The following MET variants were observed in gnomAD, a reference collection of about 807,000 sequenced individuals.
The protein encoded by MET is MET proto-oncogene, receptor tyrosine kinase, also known as hepatocyte growth factor receptor.
MET carries 48 observed loss-of-function variants against 133.1 expected under a neutral mutation model. The observed-to-expected ratio is 0.36, with a 90% CI of 0.29 to 0.46. The LOEUF (loss-of-function observed/expected upper bound fraction) is 0.46, where lower values mean the gene tolerates loss of function less well. MET is among the 20% of genes least tolerant of loss of function. The pLI, the probability that MET is intolerant of heterozygous loss-of-function variation, is 1.00. For synonymous variants in MET, 628 were observed against 616.5 expected, an observed-to-expected ratio of 1.02 and a Z score of -0.28; for missense variants, 1,442 against 1,695.9, an observed-to-expected ratio of 0.85 and a Z score of 2.63.
intron 11 of MET, among the ~76,000 whole-genome samples, chr7:116,765,370 C>G (rs183481059): frequency 6.3e-4 from 95 of 151,250 alleles, no homozygotes; most frequent in African/African-American, 2.2e-3. Context: ...GAGATATGCT[C>G]TTTATTGCCA....
intron 1 of MET, among the ~76,000 whole-genome samples, chr7:116,675,472 G>A (rs1796122797): frequency 6.6e-6 from 1 of 152,008 alleles, no homozygotes; most frequent in Non-Finnish European, 1.5e-5. Flanking sequence ...ACATTTTCAA[G>A]CTGTTTCTGC....
chr7:116,701,797 G>A (rs1161281761), intron 2 of MET, among the ~76,000 whole-genome samples: 1 of 152,082 alleles, frequency 6.6e-6, no homozygotes, highest in Non-Finnish European at 1.5e-5. Flanking sequence ...TAGCATTACA[G>A]AGAAGATATT....
chr7:116,701,348 T>C (rs1791572673), intron 2 of MET, among the ~76,000 whole-genome samples: 1 of 152,208 alleles, frequency 6.6e-6, no homozygotes. Flanking sequence ...ATAAAGGTTA[T>C]AATTGCAATC....
At chr7:116,673,053 G>A (rs1240336700) in intron 1 of MET, among the ~76,000 whole-genome samples, 1 of 152,250 alleles carries the variant, frequency 6.6e-6, no homozygotes, top group East Asian at 1.9e-4. Flanking sequence ...GCAATCACGC[G>A]GGGCTTGTGA....
rs776086430 is a variant in MET, at chr7:116,783,396, G to T, written c.3725G>T (p.Gly1242Val). ...KEYYSVHNKT[G>V]AKLPVKWMAL... ...TACTATAGTGTACACAACAAAACAG[G>T]TGCAAAGCTGCCAGTGAAGTGGATG... The change falls in exon 19 of 21, where the codon GGT (glycine) becomes GTT (valine). Residue 1242 changes from glycine (G) to valine (V), a missense_variant. Gly to Val is a moderately radical substitution (Grantham distance 109, BLOSUM62 -3). Around this residue, in one of 6 missense-constraint regions of MET, gnomAD observed 38 missense variants for 40.6 expected, o/e 0.94. Coordinates refer to ENST00000397752, the MANE Select transcript of MET (RefSeq NM_000245.4). 1 of 1,614,150 alleles carries T rather than the reference G, an allele frequency of 6.2e-7. No individual in the cohort carries two copies. The highest frequency in any genetic ancestry group is 8.5e-7 in the Non-Finnish European group (1 of 1,180,022).
intron 5 of MET, among the ~76,000 whole-genome samples, chr7:116,754,979 G>GA (rs1306934322): frequency 1.4e-4 from 4 of 28,716 alleles, no homozygotes; most frequent in Non-Finnish European, 2.3e-4. Context: ...AGGAAGCAGA[G>GA]AAAGGAAAGA....
intron 5 of MET, among the ~76,000 whole-genome samples, chr7:116,752,784 G>A (rs1793977383): frequency 6.6e-6 from 1 of 152,058 alleles, no homozygotes. Flanking sequence ...TGTGTGTAGA[G>A]TGACAGACTT....
In MET at chr7:116,796,407, T is replaced by C. The variant is rs148370379; in HGVS notation, c.*283T>C. The C allele has an allele frequency of 8.5e-5, 42 of 493,924 alleles. No individual in the cohort carries two copies. The highest frequency in any genetic ancestry group is 7.2e-4 in the African/African-American group (38 of 52,474). 30.6% of individuals were successfully genotyped at this position (493,924 alleles called of 1,614,324 possible). On this transcript the variant is annotated 3_prime_UTR_variant, in exon 21 of 21. Coordinates refer to ENST00000397752, the MANE Select transcript of MET (RefSeq NM_000245.4). The stretch of plus-strand genomic sequence containing the variant: ...AATTCTGGGTTGAATTTTTTAAAAA[T>C]CAGGTACCACTTGATTTCATATGGG...
At chr7:116,762,126 G>A (rs964037056) in intron 10 of MET, among the ~76,000 whole-genome samples, 11 of 152,270 alleles carry the variant, frequency 7.2e-5, no homozygotes, top group Middle Eastern at 6.8e-3. Context: ...ATTCCAAAGA[G>A]GAAGATTTGA....
intron 11 of MET, among the ~76,000 whole-genome samples, chr7:116,768,578 T>TAGAA (rs1794716500): frequency 6.6e-6 from 1 of 152,202 alleles, no homozygotes; most frequent in South Asian, 2.1e-4. Context: ...TTCCCACTTC[T>TAGAA]TTTCCTAGAA....
At chr7:116,713,844 C>T (rs1184908762) in intron 2 of MET, among the ~76,000 whole-genome samples, 1 of 152,172 alleles carries the variant, frequency 6.6e-6, no homozygotes, top group African/African-American at 2.4e-5. Context: ...AGACATTTAT[C>T]ACCTGTTTCT....
chr7:116,756,395 G>A (rs1424615590), intron 6 of MET, among the ~76,000 whole-genome samples: 1 of 152,050 alleles, frequency 6.6e-6, no homozygotes, highest in Non-Finnish European at 1.5e-5. Context: ...TTCATTTCAG[G>A]GTTACACAAA....
rs2116582762 is a variant in MET, at chr7:116,699,287, A to G, written c.203A>G (p.Asn68Ser). The change falls in exon 2 of 21, where the codon AAC (asparagine) becomes AGC (serine). Residue 68 changes from asparagine to serine, a missense_variant. Asn to Ser is a conservative substitution (Grantham distance 46). Transcript: ENST00000397752. ...HEHHIFLGAT[N>S]YIYVLNEEDL... is the part of the protein sequence containing the mutation. ...CATCACATTTTCCTTGGTGCCACTAACTACATTTATGTTTTAAATGAGGAA... is the reference window on the plus strand; with the variant it reads ...CATCACATTTTCCTTGGTGCCACTAGCTACATTTATGTTTTAAATGAGGAA... 6.2e-7 allele frequency: 1 copy of G among 1,614,034 alleles called. No homozygotes were observed. Among genetic ancestry groups the G allele is most frequent in the Non-Finnish European group, 8.5e-7 (1 of 1,179,944 alleles).
intron 5 of MET, chr7:116,741,229 G>A: frequency 3.3e-6 from 2 of 607,874 alleles, no homozygotes; most frequent in Non-Finnish European, 5.6e-6. Context: ...GGGAGGGGGT[G>A]GTGTTTGGGC....
rs1479699442 is a variant in MET, at chr7:116,754,990, A to AAGAAAGAAAGAAAG, written c.1702-363_1702-350dup. 1.3e-3 allele frequency among the ~76,000 whole-genome samples: 181 copies of AAGAAAGAAAGAAAG among 142,766 alleles called. 3 individuals are homozygous for AAGAAAGAAAGAAAG. Among genetic ancestry groups the AAGAAAGAAAGAAAG allele is most frequent in the Admixed American group, 0.012 (162 of 13,996 alleles). 93.7% of individuals were successfully genotyped at this position (142,766 alleles called of 152,430 possible). A position where few individuals can be genotyped will look rare whatever the true frequency, so the allele number is the denominator to read the frequency against. On this transcript the variant is annotated intron_variant, in intron 5 of 20. Coordinates refer to ENST00000397752, the MANE Select transcript of MET (RefSeq NM_000245.4). ...AGGAAGGAAGCAGAGAAAGGAAAGAAAGAAAGAAAGAAAGAAAGAAAGAAA... is the reference window on the plus strand; with the variant it reads ...AGGAAGGAAGCAGAGAAAGGAAAGAAAGAAAGAAAGAAAGAGAAAGAAAGAAAGAAAGAAAGAAA...
intron 1 of MET, among the ~76,000 whole-genome samples, chr7:116,680,223 A>G (rs1796300243): frequency 6.6e-6 from 1 of 152,174 alleles, no homozygotes; most frequent in Non-Finnish European, 1.5e-5. Flanking sequence ...ATCAGCACTG[A>G]CTTATTTATA....
At chr7:116,780,001 A>G (rs890999910) in intron 17 of MET, among the ~76,000 whole-genome samples, 57 of 152,340 alleles carry the variant, frequency 3.7e-4, no homozygotes, top group African/African-American at 1.3e-3. Context: ...TCCCATTAGA[A>G]TGGAAGCTCA....
At chr7:116,714,741 G>GCACACACACA (rs1331223041) in intron 2 of MET, among the ~76,000 whole-genome samples, 1 of 116,422 alleles carries the variant, frequency 8.6e-6, no homozygotes, top group Non-Finnish European at 1.9e-5. Context: ...ACACTCACAT[G>GCACACACACA]CACGCACACA....
chr7:116,795,816 A>G (rs1280329877), intron 20 of MET, 25 bp downstream of exon 20: 1 of 1,614,212 alleles, frequency 6.2e-7, no homozygotes, highest in South Asian at 1.1e-5. Context: ...TGTACCTCTT[A>G]CGTTCTTTAC....
Sources: allele counts gnomAD v4.1 joint callset (sites outside exome capture counted in the v4.1 genomes callset), GRCh38; gene constraint gnomAD v4.1.1; regional missense constraint gnomAD v4.1.1; transcripts MANE v1.5; gene names NCBI Gene and HGNC (gene_info 2026-07-23, HGNC 2026-07-21).